SLC25A21: variants seen among roughly 807,000 people sequenced by gnomAD.
The protein encoded by SLC25A21 is solute carrier family 25 member 21.
A neutral mutation model predicts 43.8 loss-of-function variants in SLC25A21; 47 were observed. That is an observed-to-expected ratio of 1.07 (90% CI 0.85 to 1.37). The LOEUF (loss-of-function observed/expected upper bound fraction) is 1.37. Ranked by LOEUF, SLC25A21 falls within the 40% of genes most tolerant of loss-of-function variation. The pLI, the probability that SLC25A21 is intolerant of heterozygous loss-of-function variation, is 0.00. For synonymous variants in SLC25A21, 131 were observed against 121.3 expected (o/e 1.08, Z -0.52); for missense variants, 352 against 350.2 (o/e 1.00, Z -0.04).
intron 1 of SLC25A21, among the ~76,000 whole-genome samples, chr14:37,095,841 C>CAA (rs1962682488): frequency 1.5e-5 from 2 of 137,762 alleles, no homozygotes; most frequent in African/African-American, 6.7e-5. Context: ...CACACACACA[C>CAA]ACAAAAAACA....
intron 1 of SLC25A21, among the ~76,000 whole-genome samples, chr14:37,008,389 TAC>T (rs147082057): frequency 0.012 from 1,894 of 152,264 alleles, 29 homozygotes; most frequent in East Asian, 0.063. Flanking sequence ...GTTAAATAAA[TAC>T]AGTCATGACA....
At chr14:36,762,739 T>A (rs1566585869) in intron 3 of SLC25A21, among the ~76,000 whole-genome samples, 1 of 152,174 alleles carries the variant, frequency 6.6e-6, no homozygotes, top group Non-Finnish European at 1.5e-5. Context: ...AATGGGATGA[T>A]ATGTTATGCC....
At chr14:37,142,963 C>T (rs1963595819) in intron 1 of SLC25A21, among the ~76,000 whole-genome samples, 1 of 152,164 alleles carries the variant, frequency 6.6e-6, no homozygotes, top group Admixed American at 6.5e-5. Context: ...CTGCAAACTG[C>T]ATCTCTGCAT....
intron 1 of SLC25A21, among the ~76,000 whole-genome samples, chr14:36,911,230 T>A (rs1457085685): frequency 1.3e-5 from 2 of 152,218 alleles, no homozygotes; most frequent in African/African-American, 4.8e-5. Context: ...TCAGAAACTG[T>A]TACATGTATT....
intron 1 of SLC25A21, among the ~76,000 whole-genome samples, chr14:36,903,171 G>A (rs17105661): frequency 0.015 from 2,288 of 152,184 alleles, 65 homozygotes; most frequent in African/African-American, 0.052. Flanking sequence ...CTGCCATTAT[G>A]TTTTTATCAG....
chr14:36,979,416 C>T (rs962684653), intron 1 of SLC25A21, among the ~76,000 whole-genome samples: 3 of 150,678 alleles, frequency 2.0e-5, no homozygotes, highest in East Asian at 2.0e-4. Context: ...AGTGCAGTGG[C>T]GTGATAGTGG....
chr14:36,713,150 C>A (rs1030452889), intron 6 of SLC25A21, among the ~76,000 whole-genome samples: 1 of 151,966 alleles, frequency 6.6e-6, no homozygotes, highest in South Asian at 2.1e-4. Context: ...GGCATGAGGG[C>A]GGAGGAGCTC....
chr14:36,771,362 A>ATT (rs75723090), intron 3 of SLC25A21, among the ~76,000 whole-genome samples: 1 of 151,664 alleles, frequency 6.6e-6, no homozygotes, highest in Non-Finnish European at 1.5e-5. Context: ...CCAAGAATAG[A>ATT]TTTTTTTTTG....
At position 36,895,819 on chromosome 14, in the gene SLC25A21, A is replaced by G. The variant is rs538483690; in HGVS notation, c.71-20815T>C. 3.3e-5 allele frequency among the ~76,000 whole-genome samples: 5 copies of G among 152,252 alleles called. No homozygotes were observed. In the East Asian group the frequency reaches 5.8e-4, roughly 18 times the overall value. On this transcript the variant is annotated intron_variant, in intron 1 of 9. Coordinates refer to ENST00000331299, the MANE Select transcript of SLC25A21 (RefSeq NM_030631.4). ...TGTACCCAGTAGTCATTCAGGAGCAAGTTGTTCAGTTTCCATATAGTTGTG... is the reference window on the plus strand; with the variant it reads ...TGTACCCAGTAGTCATTCAGGAGCAGGTTGTTCAGTTTCCATATAGTTGTG...
rs1397904925 is a variant in SLC25A21, at chr14:36,776,234, C to CTTTTTTTTTT, written c.203+37683_203+37684insAAAAAAAAAA. On this transcript the variant is annotated intron_variant, in intron 3 of 9. Transcript: ENST00000331299. The stretch of plus-strand genomic sequence containing the variant: ...CTTTCTTTTTTCTTTTTCTTTCTTT[C>CTTTTTTTTTT]TTTCTTTTTTTTTTTTTTTTGAGAT... Among the ~76,000 whole-genome samples the CTTTTTTTTTT allele has an allele frequency of 1.2e-3, 92 of 75,708 alleles. 1 individual carries two copies. Among genetic ancestry groups the CTTTTTTTTTT allele is most frequent in the African/African-American group, 5.1e-3 (89 of 17,524 alleles). 49.7% of individuals were successfully genotyped at this position (75,708 alleles called of 152,430 possible). A position where few individuals can be genotyped will look rare whatever the true frequency, so the allele number is the denominator to read the frequency against.
chr14:37,163,841 T>C (rs757920599), intron 1 of SLC25A21, among the ~76,000 whole-genome samples: 7 of 152,348 alleles, frequency 4.6e-5, no homozygotes, highest in African/African-American at 9.6e-5. Flanking sequence ...TATTATCTAA[T>C]GACTAGAATC....
intron 7 of SLC25A21, among the ~76,000 whole-genome samples, chr14:36,698,014 G>T (rs183717662): frequency 1.3e-5 from 2 of 152,250 alleles, no homozygotes; most frequent in East Asian, 3.9e-4. Context: ...AGCATCAATG[G>T]TCTTTACAAT....
intron 9 of SLC25A21, among the ~76,000 whole-genome samples, chr14:36,682,068 G>A (rs982652598): frequency 2.6e-5 from 4 of 152,130 alleles, no homozygotes; most frequent in African/African-American, 9.7e-5. Flanking sequence ...GCCACATTGA[G>A]CTGCTAAGGC....
At chr14:36,947,900 G>A (rs1363145828) in intron 1 of SLC25A21, among the ~76,000 whole-genome samples, 1 of 152,146 alleles carries the variant, frequency 6.6e-6, no homozygotes, top group African/African-American at 2.4e-5. Flanking sequence ...GGCATTACTC[G>A]ATTCTAAATG....
Position 37,093,737 on chromosome 14 carries a change from G to T in SLC25A21, c.70+78544C>A, listed in dbSNP as rs551105145. On this transcript the variant is annotated intron_variant, in intron 1 of 9. Coordinates refer to ENST00000331299, the MANE Select transcript of SLC25A21 (RefSeq NM_030631.4). ...TGGGGGGAGGATGAAGGAATAAGGG[G>T]CAGATGGAAAAATTAATGATTTCTT... 2.4e-4 allele frequency among the ~76,000 whole-genome samples: 37 copies of T among 152,296 alleles called. 1 individual carries two copies. The highest frequency in any genetic ancestry group is 8.8e-5 in the Non-Finnish European group (6 of 68,022).
At chr14:36,765,661 C>G (rs1886385381) in intron 3 of SLC25A21, among the ~76,000 whole-genome samples, 1 of 152,192 alleles carries the variant, frequency 6.6e-6, no homozygotes, top group African/African-American at 2.4e-5. Context: ...CCACACTGTA[C>G]TGTCTTGGCA....
chr14:36,958,670 AGCACACGT>A (rs3220479), intron 1 of SLC25A21, among the ~76,000 whole-genome samples: 9 of 131,678 alleles, frequency 6.8e-5, no homozygotes, highest in Admixed American at 3.8e-4. Flanking sequence ...TGTACACATA[AGCACACGT>A]GCACACACAC....
At chr14:36,853,739 A>T (rs1463964017) in intron 2 of SLC25A21, among the ~76,000 whole-genome samples, 1 of 152,212 alleles carries the variant, frequency 6.6e-6, no homozygotes, top group African/African-American at 2.4e-5. Context: ...CAAATGCCAC[A>T]GCTTTTTAAT....
At chr14:36,719,552 TAC>T (rs1185019473) in intron 6 of SLC25A21, among the ~76,000 whole-genome samples, 24 of 152,334 alleles carry the variant, frequency 1.6e-4, no homozygotes, top group African/African-American at 5.5e-4. Flanking sequence ...ATATTTAAAT[TAC>T]AGACTGGTTT....
Sources: gnomAD v4.1 joint callset for allele counts (sites outside exome capture counted in the v4.1 genomes callset) on GRCh38, gnomAD v4.1.1 for gene constraint, MANE v1.5 for transcripts, NCBI Gene and HGNC (gene_info 2026-07-23, HGNC 2026-07-21) for gene names.